Variants in LPP observed in about 807,000 individuals in gnomAD.
The protein encoded by LPP is LIM domain containing preferred translocation partner in lipoma, also known as lipoma-preferred partner.
Under a neutral mutation model 60.4 loss-of-function variants are expected in LPP, and 38 were observed. The observed-to-expected ratio is 0.63, with a 90% CI of 0.49 to 0.83. LPP has a LOEUF of 0.83. Ranked by LOEUF, LPP falls within the 40% of genes least tolerant of loss-of-function variation. The probability of loss-of-function intolerance (pLI) is 0.00; values close to 1 mark genes in which losing one functional copy is unlikely to be tolerated. For synonymous variants in LPP, 328 were observed against 290.8 expected (o/e 1.13, Z -1.30); for missense variants, 902 against 783.6 (o/e 1.15, Z -1.80).
rs1184017685 is a variant in LPP, at chr3:188,886,721, C to A, written c.*12242C>A. The A allele has an allele frequency of 2.1e-5, 3 of 144,964 alleles. No individual in the cohort carries two copies. The highest frequency in any genetic ancestry group is 3.7e-5 in the Non-Finnish European group (3 of 81,544). The allele number at this position is 144,964 out of a possible 1,614,324, so 9.0% of individuals were successfully genotyped here. On this transcript the variant is annotated 3_prime_UTR_variant, in exon 12 of 12. Coordinates refer to ENST00000617246, the MANE Select transcript of LPP (RefSeq NM_001375462.1). ...TCATACAATTGTATTGTCTTCAAAACACACACACACACACATACACACACA... is the reference window on the plus strand; with the variant it reads ...TCATACAATTGTATTGTCTTCAAAAAACACACACACACACATACACACACA...
At chr3:188,851,949 G>A (rs1378958299) in intron 9 of LPP, among the ~76,000 whole-genome samples, 4 of 152,154 alleles carry the variant, frequency 2.6e-5, no homozygotes, top group Non-Finnish European at 5.9e-5. Flanking sequence ...GATCACTTGA[G>A]GCCGGGGAGT....
intron 9 of LPP, among the ~76,000 whole-genome samples, chr3:188,858,827 T>C (rs7642074): frequency 0.56 from 85,789 of 151,952 alleles, 24,581 homozygotes; most frequent in East Asian, 0.84. Flanking sequence ...TGGTGGCTCA[T>C]GCTTGTAATC....
At chr3:188,279,776 C>T (rs991844912) in intron 2 of LPP, among the ~76,000 whole-genome samples, 1 of 152,202 alleles carries the variant, frequency 6.6e-6, no homozygotes, top group Non-Finnish European at 1.5e-5. Context: ...TTTATTCTTG[C>T]AGGAAAAGTC....
At chr3:188,160,122 A>C (rs1717786989) in intron 1 of LPP, among the ~76,000 whole-genome samples, 1 of 151,892 alleles carries the variant, frequency 6.6e-6, no homozygotes, top group Admixed American at 6.6e-5. Context: ...CATGTTGGCC[A>C]GGCGGTCTTG....
chr3:188,535,038 T>G (rs1823189521), intron 6 of LPP, among the ~76,000 whole-genome samples: 1 of 143,056 alleles, frequency 7.0e-6, no homozygotes, highest in South Asian at 2.3e-4. Context: ...GCTGGAACTA[T>G]TGAAATGAAA....
At chr3:188,162,513 G>C (rs188618854) in intron 1 of LPP, among the ~76,000 whole-genome samples, 5 of 152,338 alleles carry the variant, frequency 3.3e-5, no homozygotes, top group Non-Finnish European at 5.9e-5. Flanking sequence ...CTAAAAATCA[G>C]ATTTGGGACA....
intron 2 of LPP, among the ~76,000 whole-genome samples, chr3:188,303,489 A>T (rs1360602734): frequency 6.6e-6 from 1 of 152,182 alleles, no homozygotes; most frequent in Non-Finnish European, 1.5e-5. Flanking sequence ...TCTCTTCTAT[A>T]CTTAAAGAGA....
chr3:188,156,188 G>A (rs1026595316), intron 1 of LPP, among the ~76,000 whole-genome samples: 1 of 152,114 alleles, frequency 6.6e-6, no homozygotes, highest in Non-Finnish European at 1.5e-5. Flanking sequence ...CTTAGGGTCT[G>A]GCAGTCCCCC....
At chr3:188,243,525 GT>G (rs1239345054) in intron 2 of LPP, among the ~76,000 whole-genome samples, 2 of 152,150 alleles carry the variant, frequency 1.3e-5, no homozygotes, top group Non-Finnish European at 2.9e-5. Flanking sequence ...GAAATAAATC[GT>G]TTCTTTTTCT....
At chr3:188,675,664 T>A (rs1055557518) in intron 7 of LPP, among the ~76,000 whole-genome samples, 1 of 152,232 alleles carries the variant, frequency 6.6e-6, no homozygotes, top group African/African-American at 2.4e-5. Flanking sequence ...AATGTCCTTC[T>A]GGAATTACAG....
At chr3:188,761,158 A>C (rs1732199151) in intron 9 of LPP, among the ~76,000 whole-genome samples, 1 of 152,226 alleles carries the variant, frequency 6.6e-6, no homozygotes, top group South Asian at 2.1e-4. Context: ...CCCACAAAAC[A>C]GTCATGGTTT....
chr3:188,558,205 C>T (rs902364073), intron 6 of LPP, among the ~76,000 whole-genome samples: 3 of 152,026 alleles, frequency 2.0e-5, no homozygotes, highest in Non-Finnish European at 2.9e-5. Flanking sequence ...AGAACGAAAA[C>T]GCATGTATTC....
In LPP at chr3:188,889,892, AT is replaced by A. The variant is rs530407566; in HGVS notation, c.*15421del. ...ACCTTGTCCAATTTCCACACTAGTC[AT>A]TTTTTTTATTTTTTAGAGGATCAGA... On this transcript the variant is annotated 3_prime_UTR_variant, in exon 12 of 12. Transcript: ENST00000617246. 8.1e-5 allele frequency: 17 copies of A among 210,442 alleles called. No homozygotes were observed. Among genetic ancestry groups the A allele is most frequent in the South Asian group, 1.9e-4 (1 of 5,338 alleles). 13.0% of individuals were successfully genotyped at this position (210,442 alleles called of 1,614,324 possible). A position where few individuals can be genotyped will look rare whatever the true frequency, so the allele number is the denominator to read the frequency against.
intron 6 of LPP, among the ~76,000 whole-genome samples, chr3:188,535,835 A>G (rs11707567): frequency 0.44 from 67,343 of 151,886 alleles, 16,108 homozygotes; most frequent in East Asian, 0.92. Context: ...ACAGAACTGA[A>G]GAAAACAGAG....
chr3:188,521,194 G>A (rs1174151557), intron 5 of LPP, among the ~76,000 whole-genome samples: 3 of 152,010 alleles, frequency 2.0e-5, no homozygotes, highest in South Asian at 4.1e-4. Flanking sequence ...CTCACCCCAC[G>A]CTCCCCTGTT....
intron 3 of LPP, among the ~76,000 whole-genome samples, chr3:188,361,510 C>CCCTCTCCTCTCCTCTCCTCTCCTCT (rs1335595790): frequency 2.4e-5 from 2 of 82,668 alleles, no homozygotes; most frequent in Non-Finnish European, 4.7e-5. Flanking sequence ...TTTTCCTTTT[C>CCCTCTCCTCTCCTCTCCTCTCCTCT]CCTCTCCTCT....
chr3:188,515,871 C>T (rs943388998), intron 5 of LPP, among the ~76,000 whole-genome samples: 5 of 152,084 alleles, frequency 3.3e-5, no homozygotes, highest in Non-Finnish European at 7.4e-5. Flanking sequence ...CAAAGAGTAT[C>T]AAATAACATA....
intron 4 of LPP, among the ~76,000 whole-genome samples, chr3:188,469,332 A>G (rs1801217127): frequency 3.8e-5 from 1 of 26,238 alleles, no homozygotes; most frequent in South Asian, 2.2e-3. Flanking sequence ...TGTTTGTCTG[A>G]TTGCCCGGTT....
intron 7 of LPP, among the ~76,000 whole-genome samples, chr3:188,661,896 G>A (rs1854658464): frequency 6.6e-6 from 1 of 152,150 alleles, no homozygotes; most frequent in South Asian, 2.1e-4. Context: ...CAGCAGACTT[G>A]GGGATATAAA....
Sources: allele counts gnomAD v4.1 joint callset (sites outside exome capture counted in the v4.1 genomes callset), GRCh38; gene constraint gnomAD v4.1.1; transcripts MANE v1.5; gene names NCBI Gene and HGNC (gene_info 2026-07-23, HGNC 2026-07-21).